TMEM120B: variants seen among roughly 807,000 people sequenced by gnomAD.
TMEM120B encodes transmembrane protein 120B.
In TMEM120B, 31 loss-of-function variants were observed where a neutral mutation model predicts 55.5. The ratio of observed to expected loss-of-function variants is 0.56; its 90% CI spans 0.42 to 0.75. The LOEUF (loss-of-function observed/expected upper bound fraction) is 0.75. Among genes scored for constraint, TMEM120B ranks in the 30% least tolerant of loss-of-function variants. TMEM120B has a pLI of 0.00. For synonymous variants in TMEM120B, 203 were observed against 176.3 expected (o/e 1.15, Z -1.20); for missense variants, 399 against 425.5 (o/e 0.94, Z 0.55).
At position 121,734,756 on chromosome 12, in the gene TMEM120B, T is replaced by C. The variant is rs192727531; in HGVS notation, c.70-8873T>C. Reference sequence around the variant, plus strand: ...TGGCAAAACCCATCTCTACTAAAAATACAAAAATTAGCTGGGCGTGATGGC... The same window carrying C: ...TGGCAAAACCCATCTCTACTAAAAACACAAAAATTAGCTGGGCGTGATGGC... On this transcript the variant is annotated intron_variant, in intron 1 of 11. Coordinates refer to ENST00000449592, the MANE Select transcript of TMEM120B (RefSeq NM_001080825.2). Among the ~76,000 whole-genome samples the C allele has an allele frequency of 7.2e-4, 109 of 151,732 alleles. 1 individual carries two copies. The East Asian group carries it at 0.019, about 26-fold the overall frequency.
chr12:121,733,829 C>T (rs1410949672), intron 1 of TMEM120B, among the ~76,000 whole-genome samples: 1 of 152,116 alleles, frequency 6.6e-6, no homozygotes, highest in Non-Finnish European at 1.5e-5. Context: ...TGAGCCACTG[C>T]ACCTGGCCCC....
chr12:121,713,616 C>G (rs559528046), intron 1 of TMEM120B, among the ~76,000 whole-genome samples: 4 of 152,260 alleles, frequency 2.6e-5, no homozygotes, highest in Admixed American at 1.3e-4. Flanking sequence ...TGGCCCGGAG[C>G]CTTACACGGG....
At chr12:121,770,776 G>C (rs1874015730) in intron 6 of TMEM120B, 131 bp from the exon 7 acceptor site, 2 of 796,330 alleles carry the variant, frequency 2.5e-6, no homozygotes, top group East Asian at 5.3e-5. Context: ...CAGGGTTCCA[G>C]TCTGTTTCTT....
chr12:121,763,187 A>G (rs1375601487), intron 6 of TMEM120B, among the ~76,000 whole-genome samples: 1 of 135,338 alleles, frequency 7.4e-6, no homozygotes, highest in African/African-American at 2.8e-5. Flanking sequence ...TTTTGAGACG[A>G]AGTCTTGCTC....
chr12:121,719,244 A>T (rs941618561), intron 1 of TMEM120B, among the ~76,000 whole-genome samples: 2 of 144,988 alleles, frequency 1.4e-5, no homozygotes, highest in African/African-American at 5.1e-5. Context: ...CTGGTAGTTT[A>T]AAAAAAAAAA....
Position 121,777,312 on chromosome 12 carries a change from AC to A in TMEM120B, c.*1591del, listed in dbSNP as rs1230287970. 1 of 151,738 alleles carries A rather than the reference AC, an allele frequency of 6.6e-6. No individual in the cohort carries two copies. Among genetic ancestry groups the A allele is most frequent in the African/African-American group, 2.4e-5 (1 of 41,250 alleles). The allele number at this position is 151,738 out of a possible 1,614,324, so 9.4% of individuals were successfully genotyped here. A position where few individuals can be genotyped will look rare whatever the true frequency, so the allele number is the denominator to read the frequency against. Reference sequence around the variant, plus strand: ...TACTTTTTAGTAGAGATGGGGTCTCACTATGTTGCCCAGGCTGGTCTCCAAC... The same window carrying A: ...TACTTTTTAGTAGAGATGGGGTCTCATATGTTGCCCAGGCTGGTCTCCAAC... On this transcript the variant is annotated 3_prime_UTR_variant, in exon 12 of 12. Transcript: ENST00000449592.
At position 121,712,865 on chromosome 12, in the gene TMEM120B, C is replaced by T. The variant is rs774430403; in HGVS notation, c.-31C>T. 1 of 1,449,890 alleles carries T rather than the reference C, an allele frequency of 6.9e-7. No individual in the cohort carries two copies. Among genetic ancestry groups the T allele is most frequent in the South Asian group, 1.5e-5 (1 of 67,428 alleles). 89.8% of individuals were successfully genotyped at this position (1,449,890 alleles called of 1,614,324 possible). ...GGTCGGGCAGCGCTGCGGGAGCAGC[C>T]GCCGGCACCGCCGCCTTGCACCATC... is the stretch of plus-strand genomic sequence containing the variant. On this transcript the variant is annotated 5_prime_UTR_variant, in exon 1 of 12. Transcript: ENST00000449592.
intron 2 of TMEM120B, among the ~76,000 whole-genome samples, chr12:121,745,305 G>A (rs1873048117): frequency 2.0e-5 from 3 of 152,196 alleles, no homozygotes; most frequent in Admixed American, 2.0e-4. Flanking sequence ...TTGGTCGACT[G>A]CTTATGCTTT....
chr12:121,727,906 A>G (rs868738560), intron 1 of TMEM120B, among the ~76,000 whole-genome samples: 1 of 151,528 alleles, frequency 6.6e-6, no homozygotes, highest in Non-Finnish European at 1.5e-5. Context: ...ATTGGTAACA[A>G]TGAGTCCAAG....
At chr12:121,736,093 C>A (rs1895105182) in intron 1 of TMEM120B, among the ~76,000 whole-genome samples, 2 of 152,008 alleles carry the variant, frequency 1.3e-5, no homozygotes. Flanking sequence ...TTACTAGATA[C>A]GTTTTCTCTA....
chr12:121,772,383 G>A (rs1874094308), intron 8 of TMEM120B, among the ~76,000 whole-genome samples: 1 of 151,350 alleles, frequency 6.6e-6, no homozygotes, highest in South Asian at 2.1e-4. Flanking sequence ...ACCCACCTCT[G>A]CCACCCAAAG....
intron 7 of TMEM120B, 93 bp downstream of exon 7, chr12:121,771,065 G>A (rs528852180): frequency 2.2e-6 from 3 of 1,389,494 alleles, no homozygotes; most frequent in East Asian, 2.4e-5. Context: ...CAGCGGTGGG[G>A]GGTGTGCTCC....
At chr12:121,769,774 G>C (rs899250485) in intron 6 of TMEM120B, among the ~76,000 whole-genome samples, 1 of 151,598 alleles carries the variant, frequency 6.6e-6, no homozygotes, top group Non-Finnish European at 1.5e-5. Context: ...TTGAGCAGCT[G>C]CTTGGAACCC....
At chr12:121,716,995 G>A (rs1894715415) in intron 1 of TMEM120B, among the ~76,000 whole-genome samples, 1 of 152,200 alleles carries the variant, frequency 6.6e-6, no homozygotes, top group South Asian at 2.1e-4. Flanking sequence ...GAGAGGAAAG[G>A]ATCAGTTTTC....
At chr12:121,762,383 A>AT (rs1249651398) in intron 6 of TMEM120B, among the ~76,000 whole-genome samples, 2 of 151,852 alleles carry the variant, frequency 1.3e-5, no homozygotes, top group African/African-American at 2.4e-5. Flanking sequence ...TCAGGCTGCT[A>AT]TTGGGGCACC....
chr12:121,771,120 GCTGCGCGGGCCCCACCCA>G, intron 7 of TMEM120B, 148 bp downstream of exon 7: 1 of 898,212 alleles, frequency 1.1e-6, no homozygotes, highest in South Asian at 1.5e-5. Context: ...GCTGCGCCGG[GCTGCGCGGGCCCCACCCA>G]GCCCGTGAGG....
At chr12:121,733,495 C>T (rs561335996) in intron 1 of TMEM120B, among the ~76,000 whole-genome samples, 14 of 150,782 alleles carry the variant, frequency 9.3e-5, no homozygotes, top group Admixed American at 6.6e-4. Context: ...CCGCCCGCCT[C>T]GGCCTCCCAA....
rs569884451 is a variant in TMEM120B, at chr12:121,713,022, T to C, written c.69+58T>C. The C allele has an allele frequency of 2.1e-5, 30 of 1,405,442 alleles. No individual in the cohort carries two copies. In the African/African-American group the frequency reaches 4.2e-4, roughly 20 times the overall value. The allele number at this position is 1,405,442 out of a possible 1,614,324, so 87.1% of individuals were successfully genotyped here. On this transcript the variant is annotated intron_variant, in intron 1 of 11. Transcript: ENST00000449592. ...CTGCCCGCGGTGCAGCGCCTTGCCC[T>C]TCCTGAGCCCCCCGGCCCGGGCGGT...
chr12:121,732,010 G>A (rs1467065368), intron 1 of TMEM120B, among the ~76,000 whole-genome samples: 3 of 152,108 alleles, frequency 2.0e-5, no homozygotes, highest in Non-Finnish European at 4.4e-5. Context: ...GGTGGCGGGC[G>A]CCTGTAGCCC....
Sources: gnomAD v4.1 joint callset for allele counts (sites outside exome capture counted in the v4.1 genomes callset) on GRCh38, gnomAD v4.1.1 for gene constraint, MANE v1.5 for transcripts, NCBI Gene and HGNC (gene_info 2026-07-23, HGNC 2026-07-21) for gene names.